OSBPL1A: variants seen among roughly 807,000 people sequenced by gnomAD.
The protein encoded by OSBPL1A is oxysterol binding protein like 1A.
In OSBPL1A, 80 loss-of-function variants were observed where a neutral mutation model predicts 137.1. That is an observed-to-expected ratio of 0.58 (90% CI 0.49 to 0.70). OSBPL1A has a LOEUF of 0.70. Among genes scored for constraint, OSBPL1A ranks in the 30% least tolerant of loss-of-function variants. The pLI is 0.00. For missense variants in OSBPL1A, 970 were observed against 1,129.4 expected (o/e 0.86, Z 2.02); for synonymous variants, 365 against 389.7 (o/e 0.94, Z 0.75).
chr18:24,294,052 T>G (rs889257576), intron 14 of OSBPL1A, among the ~76,000 whole-genome samples: 1 of 152,138 alleles, frequency 6.6e-6, no homozygotes, highest in Non-Finnish European at 1.5e-5. Flanking sequence ...CTCTCAGATT[T>G]TTTTTTTCAG....
rs757336030 is a variant in OSBPL1A at position 24,189,590 on chromosome 18, T to C, written c.1677+6535A>G. Reference sequence around the variant, plus strand: ...AGCTACCGATAATGAAAAAATTCATTGTGCTTACATTTGAGGGCATCGCAG... The same window carrying C: ...AGCTACCGATAATGAAAAAATTCATCGTGCTTACATTTGAGGGCATCGCAG... On this transcript the variant is annotated intron_variant, in intron 18 of 27. Coordinates refer to ENST00000319481, the MANE Select transcript of OSBPL1A (RefSeq NM_080597.4). Among the ~76,000 whole-genome samples the C allele has an allele frequency of 8.5e-5, 13 of 152,322 alleles. No individual in the cohort carries two copies. In the East Asian group the frequency reaches 2.3e-3, roughly 27 times the overall value.
intron 15 of OSBPL1A, among the ~76,000 whole-genome samples, chr18:24,254,676 G>A (rs769938499): frequency 4.0e-5 from 6 of 151,800 alleles, no homozygotes; most frequent in Non-Finnish European, 8.8e-5. Flanking sequence ...GAGATACAGC[G>A]AAAGCAGTAC....
chr18:24,310,833 A>C (rs1161523762), intron 13 of OSBPL1A, among the ~76,000 whole-genome samples: 1 of 152,180 alleles, frequency 6.6e-6, no homozygotes, highest in Non-Finnish European at 1.5e-5. Flanking sequence ...ATACCAACTG[A>C]AAGTTAAAAT....
intron 17 of OSBPL1A, among the ~76,000 whole-genome samples, chr18:24,210,425 G>A (rs1390130993): frequency 6.6e-6 from 1 of 151,606 alleles, no homozygotes; most frequent in African/African-American, 2.4e-5. Context: ...GTGATGGAGT[G>A]AGACTCCATC....
chr18:24,237,452 G>C (rs1024298345), intron 16 of OSBPL1A, among the ~76,000 whole-genome samples: 1 of 152,020 alleles, frequency 6.6e-6, no homozygotes, highest in Non-Finnish European at 1.5e-5. Context: ...TTACAGGCAT[G>C]CACCATCACG....
intron 4 of OSBPL1A, among the ~76,000 whole-genome samples, chr18:24,365,025 C>CAAAAAAAAAAAAAA (rs56400717): frequency 3.1e-4 from 28 of 89,576 alleles, no homozygotes; most frequent in African/African-American, 4.8e-4. Flanking sequence ...AAAACAACAA[C>CAAAAAAAAAAAAAA]AAAAAAAAAA....
At chr18:24,195,608 T>C (rs995857807) in intron 18 of OSBPL1A, among the ~76,000 whole-genome samples, 8 of 152,162 alleles carry the variant, frequency 5.3e-5, no homozygotes, top group Admixed American at 2.0e-4. Flanking sequence ...GGTGGTGGTG[T>C]TGACTACTAC....
In OSBPL1A at chr18:24,271,937, T is replaced by C; in HGVS notation, c.1281+8905A>G. 1 of 983,096 alleles carries C rather than the reference T, an allele frequency of 1.0e-6. No individual in the cohort carries two copies. The highest frequency in any genetic ancestry group is 1.2e-6 in the Non-Finnish European group (1 of 829,240). 60.9% of individuals were successfully genotyped at this position (983,096 alleles called of 1,614,324 possible). Reference sequence around the variant, plus strand: ...GTCTGCGCTGCCCCTCCGCCGCCGCTGGCTCGGCCGCAGACCCGCCCTCCG... The same window carrying C: ...GTCTGCGCTGCCCCTCCGCCGCCGCCGGCTCGGCCGCAGACCCGCCCTCCG... On this transcript the variant is annotated intron_variant, in intron 15 of 27. Transcript: ENST00000319481. This position sits in a 1 kb window ranked among gnomAD's most constrained non-coding sequence, Gnocchi z 4.0.
intron 15 of OSBPL1A, among the ~76,000 whole-genome samples, chr18:24,240,627 T>C (rs2088663183): frequency 6.6e-6 from 1 of 152,206 alleles, no homozygotes; most frequent in Non-Finnish European, 1.5e-5. Context: ...CTCTTGTTCG[T>C]TAGTTTCCTC....
intron 7 of OSBPL1A, among the ~76,000 whole-genome samples, chr18:24,329,594 T>C (rs1199799490): frequency 3.3e-5 from 5 of 150,660 alleles, no homozygotes; most frequent in African/African-American, 1.2e-4. Flanking sequence ...CCTTATGTAA[T>C]ACAAATCAAG....
chr18:24,349,125 C>G (rs2091396609), intron 4 of OSBPL1A, among the ~76,000 whole-genome samples: 1 of 152,078 alleles, frequency 6.6e-6, no homozygotes, highest in Non-Finnish European at 1.5e-5. Context: ...TGTAATCACA[C>G]TACTGCCATC....
At chr18:24,197,328 C>A in intron 17 of OSBPL1A, among the ~76,000 whole-genome samples, 1 of 152,122 alleles carries the variant, frequency 6.6e-6, no homozygotes, top group Non-Finnish European at 1.5e-5. Flanking sequence ...GCCTGGGCAA[C>A]AGAGCGAGAT....
chr18:24,341,706 G>T, intron 4 of OSBPL1A, 48 bp from the exon 5 acceptor site: 1 of 1,308,930 alleles, frequency 7.6e-7, no homozygotes. Context: ...AGATTTTATT[G>T]CATTACCACC....
intron 17 of OSBPL1A, among the ~76,000 whole-genome samples, chr18:24,210,139 C>T (rs562960210): frequency 1.3e-5 from 2 of 152,202 alleles, no homozygotes; most frequent in African/African-American, 2.4e-5. Context: ...TTACTGAAGA[C>T]CCCAGGGCCA....
intron 21 of OSBPL1A, among the ~76,000 whole-genome samples, chr18:24,174,432 G>A (rs1404177462): frequency 2.0e-5 from 3 of 152,154 alleles, no homozygotes; most frequent in African/African-American, 7.2e-5. Flanking sequence ...GCACTGACAT[G>A]ACACTCAAAG....
At chr18:24,241,333 A>AAG (rs1413394194) in intron 15 of OSBPL1A, among the ~76,000 whole-genome samples, 1 of 152,236 alleles carries the variant, frequency 6.6e-6, no homozygotes. Context: ...CGTCAGAGTG[A>AAG]AGAGGCAACC....
intron 2 of OSBPL1A, among the ~76,000 whole-genome samples, chr18:24,370,193 C>T (rs1336624665): frequency 2.6e-5 from 4 of 152,216 alleles, no homozygotes; most frequent in African/African-American, 7.2e-5. Context: ...TGCATTCCAG[C>T]CTGGACAACA....
chr18:24,375,988 G>A (rs1371699741), intron 2 of OSBPL1A, among the ~76,000 whole-genome samples: 1 of 152,156 alleles, frequency 6.6e-6, no homozygotes, highest in Non-Finnish European at 1.5e-5. Context: ...CCTGGCTTCA[G>A]GAGTGAAGCT....
At chr18:24,318,841 A>G (rs2090789878) in intron 7 of OSBPL1A, 32 bp from the exon 8 acceptor site, 1 of 1,578,262 alleles carries the variant, frequency 6.3e-7, no homozygotes, top group Non-Finnish European at 8.7e-7. Context: ...AAAGCCATCA[A>G]CAGCTTAAAT....
Sources: allele counts gnomAD v4.1 joint callset (sites outside exome capture counted in the v4.1 genomes callset), GRCh38; gene constraint gnomAD v4.1.1; non-coding constraint Gnocchi (gnomAD v3.1); transcripts MANE v1.5; gene names NCBI Gene and HGNC (gene_info 2026-07-23, HGNC 2026-07-21).